Variants in EOGT observed in about 807,000 individuals in gnomAD.
The protein encoded by EOGT is EGF domain-specific O-linked N-acetylglucosamine transferase.
In EOGT, 55 loss-of-function variants were observed where a neutral mutation model predicts 70.5. That is an observed-to-expected ratio of 0.78 (90% confidence interval 0.63 to 0.98). EOGT has a LOEUF of 0.98. Among genes scored for constraint, EOGT ranks in the 50% least tolerant of loss-of-function variants. EOGT has a pLI of 0.00. For synonymous variants in EOGT, 246 were observed against 217.1 expected, an observed-to-expected ratio of 1.13 and a Z score of -1.17; for missense variants, 703 against 641.9, an observed-to-expected ratio of 1.10 and a Z score of -1.03.
intron 4 of EOGT, among the ~76,000 whole-genome samples, 166 bp downstream of exon 4, chr3:69,009,471 T>G (rs1343940591): frequency 6.6e-6 from 1 of 152,206 alleles, no homozygotes; most frequent in African/African-American, 2.4e-5. Context: ...GGACATAATT[T>G]TAAGCAGTTT....
In EOGT at chr3:68,977,620, A is replaced by G; in HGVS notation, c.1582T>C (p.Ter528GlnextTer3). The G allele has an allele frequency of 3.7e-6, 6 of 1,613,880 alleles. No homozygotes were observed. The highest frequency in any genetic ancestry group is 5.1e-6 in the Non-Finnish European group (6 of 1,179,906). Residue 528 changes from the stop codon to glutamine (Q), a stop_lost, in exon 18 of 18, where the codon TAA (stop) becomes CAA (glutamine). Coordinates refer to ENST00000383701, the MANE Select transcript of EOGT (RefSeq NM_001278689.2). ...WPFKKKHDEL[*>Q] Reference sequence around the variant, plus strand: ...TTTTGCAAACAGACTCAGCATATTTATAGCTCATCATGTTTCTTCTTAAAT... The same window carrying G: ...TTTTGCAAACAGACTCAGCATATTTGTAGCTCATCATGTTTCTTCTTAAAT...
chr3:68,995,959 CATAATTT>C (rs1164100537), intron 10 of EOGT, among the ~76,000 whole-genome samples: 2 of 152,104 alleles, frequency 1.3e-5, no homozygotes, highest in African/African-American at 4.8e-5. Context: ...AATGAAGTAA[CATAATTT>C]ATGTTAATTA....
intron 14 of EOGT, among the ~76,000 whole-genome samples, chr3:68,987,202 C>T (rs539119225): frequency 6.6e-6 from 1 of 152,284 alleles, no homozygotes; most frequent in East Asian, 1.9e-4. Context: ...ATTCTGACAG[C>T]TTTTTCCATG....
intron 10 of EOGT, among the ~76,000 whole-genome samples, chr3:68,997,733 C>A (rs2091189772): frequency 6.6e-6 from 1 of 152,178 alleles, no homozygotes; most frequent in African/African-American, 2.4e-5. Flanking sequence ...AATCTCTGGC[C>A]TTTGGAGCTC....
rs1327498230 is a variant in EOGT, at chr3:69,009,721, C to A, written c.126G>T (p.Leu42Phe). ...AAAAGAAGGGAATGTGCTCCTCTGG[C>A]AAGCGGATGCTGGCATAGTTATACA... ...EPLYNYASIR[L>F]PEEHIPFFLH... The change falls in exon 4 of 18, where the codon TTG becomes TTT. Residue 42 changes from leucine to phenylalanine, a missense_variant. Coordinates refer to ENST00000383701, the MANE Select transcript of EOGT (RefSeq NM_001278689.2). The A allele has an allele frequency of 1.2e-6, 2 of 1,614,044 alleles. No homozygotes were observed. Among genetic ancestry groups the A allele is most frequent in the Non-Finnish European group, 1.7e-6 (2 of 1,180,026 alleles).
chr3:68,989,103 C>T, intron 10 of EOGT, 86 bp from the exon 11 acceptor site: 5 of 736,010 alleles, frequency 6.8e-6, no homozygotes, highest in Non-Finnish European at 1.1e-5. Context: ...CCTGAATTTG[C>T]CTGTGTTAAA....
At chr3:68,998,150 CAA>C (rs2091202994) in intron 9 of EOGT, 36 bp from the exon 10 acceptor site, 1 of 1,123,342 alleles carries the variant, frequency 8.9e-7, no homozygotes, top group Non-Finnish European at 1.3e-6. Context: ...TAATTAACAC[CAA>C]AGAGCACATG....
In EOGT at chr3:69,012,989, A is replaced by G. The variant is rs184364828; in HGVS notation, c.-355-190T>C. ...AATGACACCTCAACGGCTGGCCCCT[A>G]CTTGTGCCAAAAAGTCTCTCGGCGG... On this transcript the variant is annotated intron_variant, in intron 1 of 17. Transcript: ENST00000383701. Among the ~76,000 whole-genome samples, 550 of 152,010 alleles carry G rather than the reference A, an allele frequency of 3.6e-3. 4 individuals are homozygous for G. Among genetic ancestry groups the G allele is most frequent in the African/African-American group, 0.013 (530 of 41,458 alleles).
In EOGT at chr3:68,987,373, GA is replaced by G. The variant is rs11331317; in HGVS notation, c.1152+71del. The G allele has an allele frequency of 0.33, 315,280 of 968,330 alleles. 17,770 individuals are homozygous for G. The highest frequency in any genetic ancestry group is 0.45 in the East Asian group (16,121 of 35,710). The allele number at this position is 968,330 out of a possible 1,614,324, so 60.0% of individuals were successfully genotyped here. ...TAAACCAAAGCTTTTAACGTAATGTGAAAAAAAAAAAAACACAATTTGCTCT... is the reference window on the plus strand; with the variant it reads ...TAAACCAAAGCTTTTAACGTAATGTGAAAAAAAAAAAACACAATTTGCTCT... On this transcript the variant is annotated intron_variant, in intron 14 of 17. Transcript: ENST00000383701.
intron 16 of EOGT, 112 bp from the exon 17 acceptor site, chr3:68,978,547 A>C: frequency 1.5e-6 from 1 of 650,334 alleles, no homozygotes; most frequent in Non-Finnish European, 2.7e-6. Context: ...AAAAGGTTGT[A>C]AACAAGACTG....
chr3:68,996,026 A>G (rs529003032), intron 10 of EOGT, among the ~76,000 whole-genome samples: 3 of 152,340 alleles, frequency 2.0e-5, no homozygotes, highest in Non-Finnish European at 1.5e-5. Context: ...ACCCTGAGTT[A>G]ATAATTTAGG....
chr3:69,004,542 G>T, intron 7 of EOGT, 60 bp from the exon 8 acceptor site: 2 of 1,114,488 alleles, frequency 1.8e-6, no homozygotes, highest in Non-Finnish European at 2.7e-6. Flanking sequence ...CCAAGCACGT[G>T]GGTTGTAACT....
chr3:69,010,305 A>G (rs2091545808), intron 3 of EOGT, among the ~76,000 whole-genome samples: 1 of 152,276 alleles, frequency 6.6e-6, no homozygotes, highest in Non-Finnish European at 1.5e-5. Context: ...CCAAAAAAGT[A>G]GCCATGGTCT....
At chr3:68,995,274 G>T (rs1269282587) in intron 10 of EOGT, among the ~76,000 whole-genome samples, 1 of 152,124 alleles carries the variant, frequency 6.6e-6, no homozygotes, top group Non-Finnish European at 1.5e-5. Context: ...CCCTTACTTA[G>T]CGCCATCCCC....
chr3:69,009,393 T>G (rs1050692325), intron 4 of EOGT, among the ~76,000 whole-genome samples: 4 of 152,232 alleles, frequency 2.6e-5, no homozygotes, highest in African/African-American at 9.6e-5. Flanking sequence ...TTACAGAGTT[T>G]ACAAATAGTA....
At chr3:68,987,969 C>T in intron 13 of EOGT, 1 of 369,068 alleles carries the variant, frequency 2.7e-6, no homozygotes, top group East Asian at 5.8e-5. Context: ...GGCGGGAGTG[C>T]AGTGACATGA....
intron 1 of EOGT, among the ~76,000 whole-genome samples, 185 bp from the exon 2 acceptor site, chr3:69,012,984 C>T (rs570541246): frequency 6.6e-6 from 1 of 152,180 alleles, no homozygotes; most frequent in African/African-American, 2.4e-5. Flanking sequence ...CAACGGCTGG[C>T]CCCTACTTGT....
intron 14 of EOGT, 130 bp downstream of exon 14, chr3:68,987,315 A>G: frequency 2.8e-6 from 2 of 704,524 alleles, no homozygotes; most frequent in Admixed American, 2.7e-5. Context: ...TAAACCGGGC[A>G]TAGGCCATCA....
chr3:68,984,693 T>A (rs2090754232), intron 14 of EOGT, among the ~76,000 whole-genome samples: 1 of 152,128 alleles, frequency 6.6e-6, no homozygotes, highest in Admixed American at 6.5e-5. Flanking sequence ...GGCTGAATGA[T>A]CAAATTTCGC....
Sources: allele counts gnomAD v4.1 joint callset (sites outside exome capture counted in the v4.1 genomes callset), GRCh38; gene constraint gnomAD v4.1.1; transcripts MANE v1.5; gene names NCBI Gene and HGNC (gene_info 2026-07-23, HGNC 2026-07-21).